NBPF8: variants seen among roughly 807,000 people sequenced by gnomAD.
The protein encoded by NBPF8 is NBPF family member NBPF8.
At chr1:120,457,083 G>A in intron 16 of NBPF8, among the ~76,000 whole-genome samples, 1 of 152,266 alleles carries the variant, frequency 6.6e-6, no homozygotes, top group Admixed American at 6.5e-5. Flanking sequence ...GAATGTTGAA[G>A]ATGCTGGAGA....
intron 3 of NBPF8, among the ~76,000 whole-genome samples, chr1:120,429,442 C>A (rs1212829664): frequency 7.6e-6 from 1 of 131,288 alleles, no homozygotes; most frequent in East Asian, 2.3e-4. Flanking sequence ...GAGGTCATGG[C>A]GGGAGATGCT....
chr1:120,419,484 C>A (rs1301490928), upstream of NBPF8, among the ~76,000 whole-genome samples: 5 of 151,870 alleles, frequency 3.3e-5, no homozygotes, highest in Non-Finnish European at 7.4e-5. Flanking sequence ...TTAGTCAGGA[C>A]TCTTTATTTT....
At chr1:120,431,647 T>C (rs1660884590), upstream of NBPF8, among the ~76,000 whole-genome samples, 1 of 150,470 alleles carries the variant, frequency 6.6e-6, no homozygotes, top group Non-Finnish European at 1.5e-5. Flanking sequence ...TTGGTGAGGA[T>C]ATAAAGCACT....
At chr1:120,428,346 A>G (rs1277794036) in intron 3 of NBPF8, among the ~76,000 whole-genome samples, 4 of 152,212 alleles carry the variant, frequency 2.6e-5, no homozygotes, top group Non-Finnish European at 5.9e-5. Context: ...AAAACAAAGT[A>G]GCCAAAAAGA....
intron 15 of NBPF8, 43 bp downstream of exon 13, chr1:120,454,157 G>A (rs1453764412): frequency 1.2e-6 from 2 of 1,600,570 alleles, no homozygotes; most frequent in African/African-American, 2.7e-5. Context: ...TCTCTAGGCT[G>A]AGGAAGATAA....
At chr1:120,431,359 A>AATATATATAT (rs869036983), upstream of NBPF8, among the ~76,000 whole-genome samples, 25 of 42,042 alleles carry the variant, frequency 5.9e-4, no homozygotes, top group African/African-American at 1.4e-3. Flanking sequence ...CCAAATAGGG[A>AATATATATAT]ATATATATAT....
At chr1:120,415,195 G>A (rs1365153078), upstream of NBPF8, among the ~76,000 whole-genome samples, 3 of 152,180 alleles carry the variant, frequency 2.0e-5, no homozygotes, top group Non-Finnish European at 4.4e-5. Flanking sequence ...GTGGCGCCAG[G>A]AGCGGGCCGA....
exon 25 of NBPF8, chr1:120,466,040 G>A (rs1429881728): frequency 3.1e-6 from 5 of 1,611,964 alleles, no homozygotes; most frequent in African/African-American, 2.7e-5. Flanking sequence ...CTGGATAGAT[G>A]TTATTCGACT....
At chr1:120,466,120 C>T in exon 25 of NBPF8, 2 of 1,610,868 alleles carry the variant, frequency 1.2e-6, no homozygotes, top group Non-Finnish European at 1.7e-6. Flanking sequence ...ATTTGAGGAA[C>T]AGCACATCAG....
exon 17 of NBPF8, chr1:120,459,480 C>G: frequency 1.2e-6 from 2 of 1,610,094 alleles, no homozygotes; most frequent in South Asian, 2.2e-5. Context: ...TACAGCAGCA[C>G]ATTTCACTCA....
intron 3 of NBPF8, among the ~76,000 whole-genome samples, chr1:120,430,752 C>CAAAA (rs1160946903): frequency 2.4e-5 from 1 of 41,234 alleles, no homozygotes; most frequent in East Asian, 6.8e-4. Flanking sequence ...GACTCTGTCT[C>CAAAA]AAAAAAAAAA....
chr1:120,455,900 G>A (rs1298032718), intron 16 of NBPF8, among the ~76,000 whole-genome samples: 4 of 152,010 alleles, frequency 2.6e-5, no homozygotes, highest in African/African-American at 4.8e-5. Context: ...TCTCTTGTGG[G>A]CATTTAGTGC....
chr1:120,449,605 G>A (rs181153531), intron 11 of NBPF8, among the ~76,000 whole-genome samples: 2 of 152,222 alleles, frequency 1.3e-5, no homozygotes, highest in Admixed American at 6.5e-5. Flanking sequence ...TCAATCAGGT[G>A]GGGGTGGGAC....
Position 120,421,597 on chromosome 1 carries a change from A to G in NBPF8, n.269+1479A>G, listed in dbSNP as rs1263347438. On this transcript the variant is annotated intron_variant and non_coding_transcript_variant, in intron 1 of 28. Transcript: ENST00000652355. ...CTTCTTTTCTTTTTCTTTGTCTCTC[A>G]TGCTCTCTCTTTTTCTTTCCTTTTT... is the stretch of plus-strand genomic sequence containing the variant. 6.3e-5 allele frequency among the ~76,000 whole-genome samples: 8 copies of G among 127,686 alleles called. No homozygotes were observed. In the South Asian group the frequency reaches 9.9e-4, roughly 16 times the overall value. The allele number at this position is 127,686 out of a possible 152,430, so 83.8% of individuals were successfully genotyped here.
chr1:120,450,389 G>C (rs1404068184), intron 11 of NBPF8, among the ~76,000 whole-genome samples: 2 of 151,812 alleles, frequency 1.3e-5, no homozygotes, highest in South Asian at 2.1e-4. Context: ...ACAGAGCAGG[G>C]ACCGTGGGCC....
At chr1:120,431,405 G>GAC (rs1182956897), upstream of NBPF8, among the ~76,000 whole-genome samples, 10 of 52,226 alleles carry the variant, frequency 1.9e-4, no homozygotes, top group African/African-American at 3.0e-4. Flanking sequence ...TATATATACA[G>GAC]ACACACACAC....
rs1242596451 is a variant in NBPF8, at chr1:120,450,261, A to G, written n.1971+859A>G. On this transcript the variant is annotated intron_variant and non_coding_transcript_variant, in intron 11 of 24. Coordinates refer to ENST00000583271, the Ensembl canonical transcript of NBPF8. ...ATAATAATGATAAATAAAAATAAGA[A>G]TAAAAAGCAGAGAGTAGCTTGGTGA... Among the ~76,000 whole-genome samples the G allele has an allele frequency of 4.6e-3, 703 of 152,216 alleles. 3 individuals are homozygous for G. The highest frequency in any genetic ancestry group is 7.5e-3 in the Non-Finnish European group (507 of 68,032).
chr1:120,450,241 A>G (rs1176779493), intron 11 of NBPF8, among the ~76,000 whole-genome samples: 1 of 151,986 alleles, frequency 6.6e-6, no homozygotes, highest in African/African-American at 2.4e-5. Flanking sequence ...TAATAATAAT[A>G]ATGATAAATA....
At chr1:120,415,694 G>A (rs111839197), upstream of NBPF8, among the ~76,000 whole-genome samples, 3,821 of 152,280 alleles carry the variant, frequency 0.025, 70 homozygotes, top group East Asian at 0.085. Flanking sequence ...GTCTTTATTG[G>A]CCTCCGGGAT....
Sources: allele counts gnomAD v4.1 joint callset (sites outside exome capture counted in the v4.1 genomes callset), GRCh38; gene constraint gnomAD v4.1.1; transcripts MANE v1.5; gene names NCBI Gene and HGNC (gene_info 2026-07-23, HGNC 2026-07-21).